PARD3B: variants seen among roughly 807,000 people sequenced by gnomAD.
PARD3B encodes the protein par-3 family cell polarity regulator beta.
PARD3B carries 103 observed loss-of-function variants against 130.2 expected under a neutral mutation model. The observed-to-expected ratio is 0.79, with a 90% CI of 0.67 to 0.93. The LOEUF is 0.93. PARD3B is among the 40% of genes least tolerant of loss of function. The probability of loss-of-function intolerance (pLI) is 0.00; values close to 1 mark genes in which losing one functional copy is unlikely to be tolerated. For synonymous variants in PARD3B, 583 were observed against 553.2 expected (o/e 1.05, Z -0.76); for missense variants, 1,609 against 1,499.2 (o/e 1.07, Z -1.21).
rs1464900704 is a variant in PARD3B at position 204,553,691 on chromosome 2, TATATAC to T, written c.120+7574_120+7579del. ...ATATATATATATATATATATATATA[TATATAC>T]ACACATATATATAAAGGAATACACC... On this transcript the variant is annotated intron_variant, in intron 1 of 22. Transcript: ENST00000406610. Among the ~76,000 whole-genome samples the T allele has an allele frequency of 5.8e-4, 65 of 113,014 alleles. 1 individual carries two copies. Among genetic ancestry groups the T allele is most frequent in the African/African-American group, 3.0e-3 (64 of 21,538 alleles). The allele number at this position is 113,014 out of a possible 152,430, so 74.1% of individuals were successfully genotyped here.
chr2:205,210,683 C>T (rs368422318), intron 15 of PARD3B, among the ~76,000 whole-genome samples: 9 of 151,924 alleles, frequency 5.9e-5, no homozygotes, highest in Admixed American at 2.0e-4. Flanking sequence ...CAGTTTTGCT[C>T]GTATCAGCAG....
chr2:205,557,217 G>T (rs988757974), intron 22 of PARD3B, among the ~76,000 whole-genome samples: 4 of 152,156 alleles, frequency 2.6e-5, no homozygotes, highest in Admixed American at 2.6e-4. Context: ...TGCATTCATG[G>T]GTTCCACTAC....
chr2:205,577,976 G>A (rs2053824306), intron 22 of PARD3B, among the ~76,000 whole-genome samples: 2 of 152,314 alleles, frequency 1.3e-5, no homozygotes, highest in East Asian at 1.9e-4. Flanking sequence ...TTAGGCTGCA[G>A]GCATATACCT....
chr2:204,698,559 T>TC (rs1043872531), intron 2 of PARD3B, among the ~76,000 whole-genome samples: 34 of 152,122 alleles, frequency 2.2e-4, no homozygotes, highest in African/African-American at 7.5e-4. Context: ...GTTTTTTTTT[T>TC]CTGGAAGAAA....
chr2:204,920,659 A>G (rs886544416), intron 2 of PARD3B, among the ~76,000 whole-genome samples: 4 of 152,192 alleles, frequency 2.6e-5, no homozygotes, highest in African/African-American at 9.7e-5. Context: ...CTAATATTGC[A>G]GAGCATTTTA....
chr2:205,310,969 G>A (rs778050000), intron 18 of PARD3B, among the ~76,000 whole-genome samples: 47 of 151,996 alleles, frequency 3.1e-4, no homozygotes, highest in Admixed American at 2.0e-3. Flanking sequence ...TGATCTGCCC[G>A]CCTTGGCCTC....
intron 18 of PARD3B, among the ~76,000 whole-genome samples, chr2:205,379,391 T>C (rs941658123): frequency 1.3e-5 from 2 of 152,098 alleles, no homozygotes; most frequent in African/African-American, 4.8e-5. Flanking sequence ...GAAATCTACA[T>C]GTGCATGCTG....
intron 1 of PARD3B, among the ~76,000 whole-genome samples, chr2:204,552,431 A>C (rs1050968127): frequency 1.3e-5 from 2 of 152,154 alleles, no homozygotes; most frequent in African/African-American, 4.8e-5. Flanking sequence ...GCAGTGAACA[A>C]AAATCTGGGC....
intron 3 of PARD3B, among the ~76,000 whole-genome samples, chr2:205,046,163 A>G (rs1336872046): frequency 6.6e-6 from 1 of 152,092 alleles, no homozygotes; most frequent in Non-Finnish European, 1.5e-5. Context: ...TCTTCAGATT[A>G]CCTAAGGGAC....
rs1691362730 is a variant in PARD3B at position 204,967,609 on chromosome 2, AC to A, written c.394+2289del. ...GAATGACGTAAAAAAATCATCCCTT[AC>A]CCACTTTCATGGTTCTAGCAGTTTG... On this transcript the variant is annotated intron_variant, in intron 3 of 22. Transcript: ENST00000406610. This position sits in a 1 kb window ranked among gnomAD's most constrained non-coding sequence, Gnocchi z 4.4. Among the ~76,000 whole-genome samples the A allele has an allele frequency of 6.6e-6, 1 of 152,166 alleles. No individual in the cohort carries two copies. Among genetic ancestry groups the A allele is most frequent in the South Asian group, 2.1e-4 (1 of 4,828 alleles).
intron 6 of PARD3B, among the ~76,000 whole-genome samples, chr2:205,115,946 T>C (rs1415917449): frequency 1.3e-5 from 2 of 152,180 alleles, no homozygotes; most frequent in Non-Finnish European, 2.9e-5. Context: ...TATTTTTTTT[T>C]CTTTTAGAAA....
intron 22 of PARD3B, among the ~76,000 whole-genome samples, chr2:205,574,381 G>A (rs2053666731): frequency 6.6e-6 from 1 of 152,270 alleles, no homozygotes; most frequent in Admixed American, 6.5e-5. Context: ...AGATTTCCAG[G>A]TAGATGGCCA....
intron 2 of PARD3B, among the ~76,000 whole-genome samples, chr2:204,774,833 C>T (rs1222715941): frequency 6.6e-6 from 1 of 152,056 alleles, no homozygotes; most frequent in Non-Finnish European, 1.5e-5. Flanking sequence ...GGGTGTATTT[C>T]AGTATTACTC....
rs772085701 is a variant in PARD3B at position 205,276,347 on chromosome 2, A to G, written c.2186-24183A>G. 6.6e-6 allele frequency among the ~76,000 whole-genome samples: 1 copy of G among 152,172 alleles called. No individual in the cohort carries two copies. The highest frequency in any genetic ancestry group is 1.5e-5 in the Non-Finnish European group (1 of 68,020). On this transcript the variant is annotated intron_variant, in intron 16 of 22. Transcript: ENST00000406610. The surrounding 1 kb of genome is among the most constrained non-coding windows in gnomAD (Gnocchi z 5.0). Reference sequence around the variant, plus strand: ...CTTCTGAAAAGATCACGAAATCTCAAAGACCTCCAGTTCCTTGGTATTTAT... The same window carrying G: ...CTTCTGAAAAGATCACGAAATCTCAGAGACCTCCAGTTCCTTGGTATTTAT...
intron 2 of PARD3B, among the ~76,000 whole-genome samples, chr2:204,723,247 T>G (rs926016739): frequency 2.0e-5 from 3 of 152,178 alleles, no homozygotes; most frequent in Admixed American, 6.5e-5. Flanking sequence ...TTCAGTTGAT[T>G]TTTTAAAATT....
At chr2:204,829,782 G>T (rs939835895) in intron 2 of PARD3B, among the ~76,000 whole-genome samples, 1 of 151,918 alleles carries the variant, frequency 6.6e-6, no homozygotes, top group South Asian at 2.1e-4. Context: ...GGCGGATCAC[G>T]AGGTCAGGAG....
Position 205,094,662 on chromosome 2 carries a change from G to A in PARD3B, c.505-9764G>A, listed in dbSNP as rs146419581. 6.6e-5 allele frequency among the ~76,000 whole-genome samples: 10 copies of A among 152,198 alleles called. No homozygotes were observed. The East Asian group carries it at 1.9e-3, about 29-fold the overall frequency. On this transcript the variant is annotated intron_variant, in intron 4 of 22. Transcript: ENST00000406610. ...GCACATTTTCATCCTGAAGATTTTC[G>A]TCATGAAGACCAGCAGGGAAGTATG... is the stretch of plus-strand genomic sequence containing the variant.
Position 205,098,430 on chromosome 2 carries a change from C to T in PARD3B, c.505-5996C>T, listed in dbSNP as rs143722840. Among the ~76,000 whole-genome samples the T allele has an allele frequency of 1.8e-4, 27 of 152,140 alleles. No individual in the cohort carries two copies. In the East Asian group the frequency reaches 3.9e-3, roughly 22 times the overall value. On this transcript the variant is annotated intron_variant, in intron 4 of 22. Transcript: ENST00000406610. ...GGAGATACTTATTGATAGACAGGAC[C>T]GCTATTTCAGTTCTCATCTGAGAGA... is the stretch of plus-strand genomic sequence containing the variant.
chr2:205,298,997 A>G (rs1403055877), intron 16 of PARD3B, among the ~76,000 whole-genome samples: 2 of 152,232 alleles, frequency 1.3e-5, no homozygotes, highest in East Asian at 1.9e-4. Flanking sequence ...TAGTACCAGT[A>G]GCACAACTAT....
Sources: gnomAD v4.1 joint callset for allele counts (sites outside exome capture counted in the v4.1 genomes callset) on GRCh38, gnomAD v4.1.1 for gene constraint, Gnocchi (gnomAD v3.1) non-coding constraint, MANE v1.5 for transcripts, NCBI Gene and HGNC (gene_info 2026-07-23, HGNC 2026-07-21) for gene names.